The following PBX1 variants were observed in gnomAD, a reference collection of about 807,000 sequenced individuals.
The protein encoded by PBX1 is pre-B-cell leukemia transcription factor 1.
PBX1 carries 6 observed loss-of-function variants against 53.4 expected under a neutral mutation model. The ratio of observed to expected loss-of-function variants is 0.11; its 90% CI spans 0.06 to 0.22. PBX1 has a LOEUF of 0.22. Ranked by LOEUF, PBX1 falls within the 10% of genes least tolerant of loss-of-function variation. PBX1 has a pLI of 1.00. For synonymous variants in PBX1, 204 were observed against 212.3 expected (o/e 0.96, Z 0.34); for missense variants, 251 against 551.4 (o/e 0.46, Z 5.46).
At chr1:164,601,235 C>CAAAAA (rs746798555) in intron 2 of PBX1, among the ~76,000 whole-genome samples, 2 of 33,996 alleles carry the variant, frequency 5.9e-5, no homozygotes, top group Non-Finnish European at 1.2e-4. Context: ...GATTCTGTCT[C>CAAAAA]AAAAAAAAAA....
chr1:164,749,298 G>C (rs1191059561), intron 2 of PBX1, among the ~76,000 whole-genome samples: 1 of 152,010 alleles, frequency 6.6e-6, no homozygotes, highest in Non-Finnish European at 1.5e-5. Flanking sequence ...ACTTAATACA[G>C]AAATTTTCTG....
chr1:164,821,579 A>G lies in PBX1; in HGVS notation c.1153A>G (p.Ser385Gly). 1 of 1,614,132 alleles carries G rather than the reference A, an allele frequency of 6.2e-7. No individual in the cohort carries two copies. Among genetic ancestry groups the G allele is most frequent in the Non-Finnish European group, 8.5e-7 (1 of 1,180,000 alleles). Residue 385 changes from serine to glycine, a missense_variant, in exon 8 of 9, where the codon AGT (serine) becomes GGT (glycine). Around this residue, in one of 4 missense-constraint regions of PBX1, gnomAD observed 92 missense variants for 130.4 expected, o/e 0.71. Coordinates refer to ENST00000420696, the MANE Select transcript of PBX1 (RefSeq NM_002585.4). Reference sequence around the variant, plus strand: ...TGTTATCAGCCAGACAGGAGGATACAGTGATGGACTCGCAGCCAGTCAGAT... The same window carrying G: ...TGTTATCAGCCAGACAGGAGGATACGGTGATGGACTCGCAGCCAGTCAGAT... ...RHVISQTGGY[S>G]DGLAASQMYS...
intron 2 of PBX1, among the ~76,000 whole-genome samples, chr1:164,762,234 T>C (rs1381416146): frequency 6.6e-6 from 1 of 152,150 alleles, no homozygotes; most frequent in East Asian, 1.9e-4. Context: ...TACAGAGAAA[T>C]TGCCAGCTTA....
At chr1:164,738,204 C>T (rs1315434738) in intron 2 of PBX1, among the ~76,000 whole-genome samples, 2 of 152,160 alleles carry the variant, frequency 1.3e-5, no homozygotes, top group East Asian at 3.9e-4. Context: ...AATAAAGCTA[C>T]TGTGAACATT....
intron 2 of PBX1, among the ~76,000 whole-genome samples, chr1:164,740,896 A>T (rs774450264): frequency 3.3e-5 from 5 of 152,180 alleles, no homozygotes; most frequent in Non-Finnish European, 5.9e-5. Flanking sequence ...ATCAACTGTT[A>T]CTAGATGTGG....
chr1:164,773,243 GCACACACACACA>G (rs60518864), intron 2 of PBX1, among the ~76,000 whole-genome samples: 1 of 147,784 alleles, frequency 6.8e-6, no homozygotes, highest in South Asian at 2.2e-4. Flanking sequence ...GGTAACACGC[GCACACACACACA>G]CACACACACA....
rs1240260596 is a variant in PBX1, at chr1:164,622,820, A to G, written c.265+59509A>G. The stretch of plus-strand genomic sequence containing the variant: ...CTATACATACATACACACAGTTTCC[A>G]TCTTTTTTTTTTTTTTTTTTTTGAG... On this transcript the variant is annotated intron_variant, in intron 2 of 8. Coordinates refer to ENST00000420696, the MANE Select transcript of PBX1 (RefSeq NM_002585.4). 2.5e-5 allele frequency among the ~76,000 whole-genome samples: 3 copies of G among 121,054 alleles called. No homozygotes were observed. In the South Asian group the frequency reaches 8.1e-4, roughly 33 times the overall value. 79.4% of individuals were successfully genotyped at this position (121,054 alleles called of 152,430 possible). A position where few individuals can be genotyped will look rare whatever the true frequency, so the allele number is the denominator to read the frequency against.
At chr1:164,696,849 A>T (rs1408689298) in intron 2 of PBX1, among the ~76,000 whole-genome samples, 2 of 152,230 alleles carry the variant, frequency 1.3e-5, no homozygotes, top group African/African-American at 4.8e-5. Flanking sequence ...CACTAGTTCC[A>T]GTGACCTCTT....
intron 2 of PBX1, among the ~76,000 whole-genome samples, chr1:164,569,236 T>G (rs1653659977): frequency 6.6e-6 from 1 of 152,208 alleles, no homozygotes; most frequent in African/African-American, 2.4e-5. Flanking sequence ...CTAGATCTTT[T>G]ACTTCTTAAC....
At chr1:164,743,639 A>G (rs1057074216) in intron 2 of PBX1, among the ~76,000 whole-genome samples, 1 of 152,206 alleles carries the variant, frequency 6.6e-6, no homozygotes, top group Non-Finnish European at 1.5e-5. Flanking sequence ...TCAGCCAAGC[A>G]CATTAAAATA....
At chr1:164,589,246 T>C (rs2101763994) in intron 2 of PBX1, among the ~76,000 whole-genome samples, 1 of 152,118 alleles carries the variant, frequency 6.6e-6, no homozygotes, top group African/African-American at 2.4e-5. Context: ...TGAGAAAGGA[T>C]TTTTGTTTAA....
chr1:164,680,019 A>G (rs536183711), intron 2 of PBX1: 1 of 152,258 alleles, frequency 6.6e-6, no homozygotes, highest in South Asian at 2.1e-4. Flanking sequence ...TTAATTAACA[A>G]TTTCTTCCTT....
chr1:164,791,834 G>A (rs1668525027), intron 2 of PBX1, among the ~76,000 whole-genome samples: 1 of 151,750 alleles, frequency 6.6e-6, no homozygotes, highest in African/African-American at 2.4e-5. Context: ...TTTTTGGGGG[G>A]TGGGGGTGTG....
At chr1:164,873,205 G>A (rs11802799) in intron 2 of PBX1, among the ~76,000 whole-genome samples, 61,568 of 152,078 alleles carry the variant, frequency 0.4, 12,708 homozygotes, top group Middle Eastern at 0.51. Flanking sequence ...AGTCATTCAT[G>A]TTTTGATCAG....
At chr1:164,704,026 G>A (rs1485930512) in intron 2 of PBX1, among the ~76,000 whole-genome samples, 1 of 152,106 alleles carries the variant, frequency 6.6e-6, no homozygotes, top group African/African-American at 2.4e-5. Flanking sequence ...CTCACAACCA[G>A]CTTTATTTGG....
chr1:164,783,537 A>T (rs1668029863), intron 2 of PBX1, among the ~76,000 whole-genome samples: 1 of 152,186 alleles, frequency 6.6e-6, no homozygotes, highest in Non-Finnish European at 1.5e-5. Context: ...TCCCAAAGGG[A>T]TCTTTATCAG....
intron 2 of PBX1, among the ~76,000 whole-genome samples, chr1:164,589,139 C>CGGGAGAGGGGCAGTGGGGGAGGGAG (rs1557876826): frequency 6.6e-6 from 1 of 151,980 alleles, no homozygotes; most frequent in East Asian, 1.9e-4. Context: ...AGGACCCAGG[C>CGGGAGAGGGGCAGTGGGGGAGGGAG]GGGAGAGGGG....
chr1:164,866,633 G>T (rs906705873), intron 2 of PBX1, among the ~76,000 whole-genome samples: 1 of 152,068 alleles, frequency 6.6e-6, no homozygotes, highest in Non-Finnish European at 1.5e-5. Context: ...CCCTTATCTG[G>T]CTCCAGTCAG....
At chr1:164,883,870 A>T (rs559376409) in intron 2 of PBX1, among the ~76,000 whole-genome samples, 1 of 152,304 alleles carries the variant, frequency 6.6e-6, no homozygotes, top group African/African-American at 2.4e-5. Flanking sequence ...GCTGGGTTCT[A>T]TGTACAATTT....
Sources: gnomAD v4.1 joint callset for allele counts (sites outside exome capture counted in the v4.1 genomes callset) on GRCh38, gnomAD v4.1.1 for gene constraint, gnomAD v4.1.1 regional missense constraint, MANE v1.5 for transcripts, NCBI Gene and HGNC (gene_info 2026-07-23, HGNC 2026-07-21) for gene names.